SIPA1L2: variants seen among roughly 807,000 people sequenced by gnomAD.
The protein encoded by SIPA1L2 is signal-induced proliferation-associated 1-like protein 2.
Under a neutral mutation model 163.9 loss-of-function variants are expected in SIPA1L2, and 56 were observed. The ratio of observed to expected loss-of-function variants is 0.34; its 90% CI spans 0.28 to 0.43. The LOEUF (loss-of-function observed/expected upper bound fraction) is 0.43. Ranked by LOEUF, SIPA1L2 falls within the 20% of genes least tolerant of loss-of-function variation. SIPA1L2 has a pLI of 1.00. For synonymous variants in SIPA1L2, 877 were observed against 865.7 expected (o/e 1.01, Z -0.23); for missense variants, 1,974 against 2,193.5 (o/e 0.90, Z 2.00).
At chr1:232,623,390 G>A (rs1662917707) in intron 1 of SIPA1L2, among the ~76,000 whole-genome samples, 1 of 152,190 alleles carries the variant, frequency 6.6e-6, no homozygotes, top group Non-Finnish European at 1.5e-5. Flanking sequence ...CAGATCACGA[G>A]GTCAGGAGAT....
At chr1:232,575,120 C>CA (rs1660009946) in intron 1 of SIPA1L2, among the ~76,000 whole-genome samples, 1 of 152,336 alleles carries the variant, frequency 6.6e-6, no homozygotes, top group East Asian at 1.9e-4. Context: ...GGCTCACACT[C>CA]AGACCTGACA....
chr1:232,461,221 C>T, intron 9 of SIPA1L2, 60 bp from the exon 10 acceptor site: 1 of 1,578,750 alleles, frequency 6.3e-7, no homozygotes, highest in Non-Finnish European at 8.6e-7. Context: ...TGGGGCTCTG[C>T]CAAAGGTGCA....
rs145412703 is a variant in SIPA1L2, at chr1:232,429,540, C to G, written c.4257-976G>C. On this transcript the variant is annotated intron_variant, in intron 16 of 22. Coordinates refer to ENST00000674635, the MANE Select transcript of SIPA1L2 (RefSeq NM_020808.5). ...CTATGGCTTTATTCCTGAGGTAGGA[C>G]AGGTTTCCCTGTACCTCTCAGTTCT... 2.3e-3 allele frequency among the ~76,000 whole-genome samples: 348 copies of G among 151,616 alleles called. 1 individual carries two copies. The highest frequency in any genetic ancestry group is 0.017 in the Middle Eastern group (5 of 294).
At chr1:232,451,636 T>C (rs917986588) in intron 10 of SIPA1L2, among the ~76,000 whole-genome samples, 1 of 152,210 alleles carries the variant, frequency 6.6e-6, no homozygotes, top group African/African-American at 2.4e-5. Flanking sequence ...ATACACATGC[T>C]TGGCTTCCTC....
At chr1:232,429,960 T>C (rs1200975503) in intron 16 of SIPA1L2, among the ~76,000 whole-genome samples, 2 of 152,216 alleles carry the variant, frequency 1.3e-5, no homozygotes, top group African/African-American at 2.4e-5. Flanking sequence ...AGTTTCTATA[T>C]ACGTTTATAG....
chr1:232,625,917 G>A (rs753460203), intron 1 of SIPA1L2, among the ~76,000 whole-genome samples: 16 of 152,172 alleles, frequency 1.1e-4, no homozygotes, highest in Non-Finnish European at 1.2e-4. Context: ...GAGCTACTCA[G>A]TGATTTCTAA....
chr1:232,452,913 C>T (rs1663671478), intron 10 of SIPA1L2, among the ~76,000 whole-genome samples: 1 of 152,182 alleles, frequency 6.6e-6, no homozygotes, highest in Admixed American at 6.5e-5. Context: ...CCTCAACTGA[C>T]AGCTTCAAAA....
intron 5 of SIPA1L2, among the ~76,000 whole-genome samples, chr1:232,484,594 A>C (rs1004168683): frequency 6.6e-6 from 1 of 152,206 alleles, no homozygotes; most frequent in African/African-American, 2.4e-5. Flanking sequence ...CTATCTTGAA[A>C]ACATCTGCTA....
rs1283352088 is a variant in SIPA1L2 at position 232,629,940 on chromosome 1, TCGCCGCCCGC to T, written c.-400_-391del. ...GGCGGCGCGTACCCGGGCTGCCGCC[TCGCCGCCCGC>T]CGCTGCCCGGGGCTGCCCATCGGCC... On this transcript the variant is annotated 5_prime_UTR_variant, in exon 1 of 23. It removes the in-frame stop codon of an upstream open reading frame in the 5' UTR. Transcript: ENST00000674635. Among the ~76,000 whole-genome samples the T allele has an allele frequency of 1.3e-5, 2 of 150,372 alleles. No individual in the cohort carries two copies. The highest frequency in any genetic ancestry group is 4.0e-4 in the East Asian group (2 of 5,042).
chr1:232,462,234 T>C, intron 9 of SIPA1L2: 2 of 1,551,008 alleles, frequency 1.3e-6, no homozygotes, highest in South Asian at 1.2e-5. Flanking sequence ...CATGGGCTCA[T>C]TAAGTATCAC....
intron 1 of SIPA1L2, among the ~76,000 whole-genome samples, chr1:232,611,833 A>C (rs1662251602): frequency 6.6e-6 from 1 of 152,206 alleles, no homozygotes; most frequent in Non-Finnish European, 1.5e-5. Flanking sequence ...AATGTGCATA[A>C]ATAATGAGGA....
At chr1:232,536,128 C>G (rs1039191016) in intron 2 of SIPA1L2, among the ~76,000 whole-genome samples, 1 of 152,150 alleles carries the variant, frequency 6.6e-6, no homozygotes, top group East Asian at 1.9e-4. Context: ...CAAGGAAGCA[C>G]GACAGATCTG....
At chr1:232,411,643 C>T (rs1660963010) in intron 19 of SIPA1L2, among the ~76,000 whole-genome samples, 1 of 151,492 alleles carries the variant, frequency 6.6e-6, no homozygotes, top group Non-Finnish European at 1.5e-5. Flanking sequence ...TTTTCTTTCA[C>T]AGTTTTTGTG....
chr1:232,420,140 G>A (rs1661483688), intron 18 of SIPA1L2, among the ~76,000 whole-genome samples: 1 of 152,058 alleles, frequency 6.6e-6, no homozygotes, highest in Admixed American at 6.6e-5. Flanking sequence ...TGGCTAACAT[G>A]GTGAAACCCC....
intron 19 of SIPA1L2, among the ~76,000 whole-genome samples, chr1:232,404,827 T>C (rs1022204252): frequency 6.6e-6 from 1 of 152,178 alleles, no homozygotes; most frequent in African/African-American, 2.4e-5. Flanking sequence ...ATCTATTCCA[T>C]GATCAATTCA....
At chr1:232,568,635 G>A (rs1167714203) in intron 2 of SIPA1L2, among the ~76,000 whole-genome samples, 2 of 152,120 alleles carry the variant, frequency 1.3e-5, no homozygotes, top group African/African-American at 2.4e-5. Context: ...GTGGACCATG[G>A]GCTGGATTTC....
At chr1:232,569,167 G>A (rs1370098813) in intron 2 of SIPA1L2, among the ~76,000 whole-genome samples, 1 of 152,208 alleles carries the variant, frequency 6.6e-6, no homozygotes, top group Non-Finnish European at 1.5e-5. Flanking sequence ...TTGGCTGATA[G>A]TGTAATATGA....
Position 232,429,035 on chromosome 1 carries a change from G to C in SIPA1L2, c.4257-471C>G, listed in dbSNP as rs372468173. Among the ~76,000 whole-genome samples the C allele has an allele frequency of 5.3e-5, 8 of 152,152 alleles. No individual in the cohort carries two copies. The East Asian group carries it at 7.7e-4, about 15-fold the overall frequency. On this transcript the variant is annotated intron_variant, in intron 16 of 22. Coordinates refer to ENST00000674635, the MANE Select transcript of SIPA1L2 (RefSeq NM_020808.5). ...GTTTACGAGTCATCAATTCACACGT[G>C]TGCTAAGCATGTTTTATTATCAGCA... is the stretch of plus-strand genomic sequence containing the variant.
At chr1:232,412,254 G>GC (rs1660999372) in intron 19 of SIPA1L2, among the ~76,000 whole-genome samples, 1 of 152,154 alleles carries the variant, frequency 6.6e-6, no homozygotes, top group South Asian at 2.1e-4. Flanking sequence ...AGGCAAGTCT[G>GC]CCAGGGATCA....
Sources: allele counts gnomAD v4.1 joint callset (sites outside exome capture counted in the v4.1 genomes callset), GRCh38; gene constraint gnomAD v4.1.1; transcripts MANE v1.5; gene names NCBI Gene and HGNC (gene_info 2026-07-23, HGNC 2026-07-21).